Variants in RYR3 observed in about 807,000 individuals in gnomAD.
RYR3 encodes ryanodine receptor 3, also known as brain ryanodine receptor-calcium release channel.
RYR3 carries 207 observed loss-of-function variants against 584.3 expected under a neutral mutation model. That is an observed-to-expected ratio of 0.35 (90% CI 0.32 to 0.40). The LOEUF is 0.40. Among genes scored for constraint, RYR3 ranks in the 10% least tolerant of loss-of-function variants. The pLI, the probability that RYR3 is intolerant of heterozygous loss-of-function variation, is 1.00. For missense variants in RYR3, 5,616 were observed against 6,089.2 expected (o/e 0.92, Z 2.59); for synonymous variants, 2,416 against 2,248.5 (o/e 1.07, Z -2.11).
intron 94 of RYR3, chr15:33,849,526 T>G (rs1199522337): frequency 6.6e-6 from 1 of 152,226 alleles, no homozygotes. Flanking sequence ...TTTTCTTTCC[T>G]GTAACTATCC....
At chr15:33,607,490 C>T (rs780781572) in intron 18 of RYR3, among the ~76,000 whole-genome samples, 2 of 152,054 alleles carry the variant, frequency 1.3e-5, no homozygotes, top group Non-Finnish European at 2.9e-5. Context: ...ATTCAGAGTT[C>T]CTAATATCAT....
intron 38 of RYR3, among the ~76,000 whole-genome samples, chr15:33,678,552 G>T (rs972553677): frequency 4.6e-5 from 7 of 152,208 alleles, no homozygotes; most frequent in Admixed American, 6.5e-5. Flanking sequence ...CTTTATAGCA[G>T]TGTGAGAATG....
intron 39 of RYR3, 47 bp from the exon 40 acceptor site, chr15:33,697,835 C>A: frequency 8.6e-7 from 1 of 1,169,130 alleles, no homozygotes; most frequent in Non-Finnish European, 1.3e-6. Flanking sequence ...ATTTTCATAG[C>A]ATATAAATAA....
chr15:33,574,872 A>G (rs919803740), intron 12 of RYR3, among the ~76,000 whole-genome samples: 37 of 152,198 alleles, frequency 2.4e-4, no homozygotes, highest in Admixed American at 2.1e-3. Context: ...CATGTGCCGT[A>G]TTCAAGAGAC....
At chr15:33,841,536 A>C (rs1467821173) in intron 90 of RYR3, among the ~76,000 whole-genome samples, 1 of 152,230 alleles carries the variant, frequency 6.6e-6, no homozygotes, top group Non-Finnish European at 1.5e-5. Context: ...TATCTTATTA[A>C]ATCTTGCCAG....
intron 1 of RYR3, among the ~76,000 whole-genome samples, chr15:33,422,932 A>G (rs1467917194): frequency 6.6e-6 from 1 of 152,238 alleles, no homozygotes; most frequent in Non-Finnish European, 1.5e-5. Flanking sequence ...TCCCTCTTGT[A>G]GTAGTTGAGA....
At chr15:33,580,226 T>A (rs2058521345) in intron 13 of RYR3, 82 bp downstream of exon 13, 1 of 1,152,106 alleles carries the variant, frequency 8.7e-7, no homozygotes, top group Admixed American at 2.4e-5. Flanking sequence ...GCTTTGTCTT[T>A]CTGCATGCAC....
intron 58 of RYR3, 84 bp from the exon 59 acceptor site, chr15:33,756,220 TAG>T (rs1460676288): frequency 1.1e-5 from 10 of 899,228 alleles, no homozygotes; most frequent in Non-Finnish European, 1.8e-5. Flanking sequence ...AAATAGCCTT[TAG>T]AAAAGCTGCT....
At chr15:33,695,768 C>G (rs1276820656) in intron 38 of RYR3, among the ~76,000 whole-genome samples, 1 of 151,618 alleles carries the variant, frequency 6.6e-6, no homozygotes, top group Admixed American at 6.6e-5. Context: ...ATGTCATAAC[C>G]CACCCTTAAA....
chr15:33,662,261 C>T lies in RYR3; in HGVS notation c.4731C>T (p.Ala1577=). The part of the protein sequence containing the change: ...AVCALGNSRV[A]YALCSHVDLS... ...GCGCCCTGGGAAACAGCCGCGTGGC[C>T]TACGCCCTGTGCAGCCACGTGGACC... is the stretch of plus-strand genomic sequence containing the variant. The change falls in exon 35 of 104, where the codon GCC becomes GCT. Residue 1577 remains alanine, a synonymous_variant. Coordinates refer to ENST00000634891, the MANE Select transcript of RYR3 (RefSeq NM_001036.6). The T allele has an allele frequency of 1.2e-6, 2 of 1,610,518 alleles. No individual in the cohort carries two copies. The highest frequency in any genetic ancestry group is 1.7e-6 in the Non-Finnish European group (2 of 1,178,558).
intron 86 of RYR3, among the ~76,000 whole-genome samples, chr15:33,834,084 C>G (rs994653044): frequency 6.6e-6 from 1 of 152,048 alleles, no homozygotes; most frequent in African/African-American, 2.4e-5. Flanking sequence ...GAGTTTGAGA[C>G]CAACCTGGCC....
intron 29 of RYR3, 72 bp downstream of exon 29, chr15:33,646,598 C>A: frequency 7.3e-7 from 1 of 1,375,448 alleles, no homozygotes; most frequent in South Asian, 1.4e-5. Flanking sequence ...TGCTTTTTAC[C>A]CTAACTCAGC....
At chr15:33,364,436 T>A (rs1000483173) in intron 1 of RYR3, among the ~76,000 whole-genome samples, 1 of 152,268 alleles carries the variant, frequency 6.6e-6, no homozygotes, top group Non-Finnish European at 1.5e-5. Flanking sequence ...AGGGTCCTTC[T>A]GTTCCCCATC....
At position 33,623,999 on chromosome 15, in the gene RYR3, C is replaced by T. The variant is rs1410032659; in HGVS notation, c.2550C>T (p.Ile850=). Residue 850 remains isoleucine, a synonymous_variant, in exon 20 of 104, where the codon ATC becomes ATT. Coordinates refer to ENST00000634891, the MANE Select transcript of RYR3 (RefSeq NM_001036.6). The stretch of plus-strand genomic sequence containing the variant: ...AGTTCCTCTCCCAAGCCTCTTTCAT[C>T]CCATGCCCCGTAGACACCAGTCAGG... ...TTQFLSQASF[I]PCPVDTSQVI... 6.2e-7 allele frequency: 1 copy of T among 1,613,704 alleles called. No homozygotes were observed. The highest frequency in any genetic ancestry group is 8.5e-7 in the Non-Finnish European group (1 of 1,179,768).
In RYR3 at chr15:33,625,945, A is replaced by C. The variant is rs535755383; in HGVS notation, c.2574+1922A>C. On this transcript the variant is annotated intron_variant, in intron 20 of 103. Transcript: ENST00000634891. ...ATTTGTTTTTCAAAGTCTTCAGCTC[A>C]AAATAATCCTTATACCACTGTGGCA... Among the ~76,000 whole-genome samples the C allele has an allele frequency of 1.8e-4, 28 of 152,342 alleles. No homozygotes were observed. The East Asian group carries it at 5.2e-3, about 28-fold the overall frequency.
At chr15:33,772,942 G>T (rs189366141) in intron 63 of RYR3, among the ~76,000 whole-genome samples, 4 of 152,324 alleles carry the variant, frequency 2.6e-5, no homozygotes, top group Non-Finnish European at 5.9e-5. Flanking sequence ...CATGGCTAGG[G>T]ATGTGTAGCC....
intron 1 of RYR3, among the ~76,000 whole-genome samples, chr15:33,358,818 C>G (rs926497755): frequency 6.6e-6 from 1 of 152,166 alleles, no homozygotes; most frequent in African/African-American, 2.4e-5. Flanking sequence ...TCCTGAGGGA[C>G]GATGAGTGTT....
At chr15:33,806,011 C>T (rs1422833787) in intron 69 of RYR3, among the ~76,000 whole-genome samples, 6 of 151,912 alleles carry the variant, frequency 3.9e-5, no homozygotes, top group Non-Finnish European at 8.8e-5. Context: ...CCTTCTCTCA[C>T]TCTATCTCTT....
At chr15:33,624,103 A>G (rs982978015) in intron 20 of RYR3, 80 bp downstream of exon 20, 40 of 974,628 alleles carry the variant, frequency 4.1e-5, no homozygotes, top group Non-Finnish European at 5.7e-5. Context: ...CTTGTTTTTG[A>G]ACCTTTCTTA....
Sources: allele counts gnomAD v4.1 joint callset (sites outside exome capture counted in the v4.1 genomes callset), GRCh38; gene constraint gnomAD v4.1.1; transcripts MANE v1.5; gene names NCBI Gene and HGNC (gene_info 2026-07-23, HGNC 2026-07-21).